The following STK31 variants were observed in gnomAD, a reference collection of about 807,000 sequenced individuals.
The protein encoded by STK31 is serine/threonine kinase 31.
A neutral mutation model predicts 129.7 loss-of-function variants in STK31; 89 were observed. The observed-to-expected ratio is 0.69, with a 90% CI of 0.58 to 0.82. STK31 has a LOEUF of 0.82. Among genes scored for constraint, STK31 ranks in the 40% least tolerant of loss-of-function variants. STK31 has a pLI of 0.00. For synonymous variants in STK31, 448 were observed against 395.3 expected, an observed-to-expected ratio of 1.13 and a Z score of -1.58; for missense variants, 1,187 against 1,176.4, an observed-to-expected ratio of 1.01 and a Z score of -0.13.
intron 5 of STK31, 50 bp from the exon 6 acceptor site, chr7:23,729,041 A>C: frequency 6.8e-7 from 1 of 1,473,862 alleles, no homozygotes. Flanking sequence ...GTTTCTTTGG[A>C]AACATTTAAT....
At chr7:23,767,934 A>G (rs1339760876) in intron 11 of STK31, among the ~76,000 whole-genome samples, 1 of 152,096 alleles carries the variant, frequency 6.6e-6, no homozygotes. Context: ...TATCTCTGTA[A>G]AATTTCTAGG....
In STK31 at chr7:23,799,482, C is replaced by T. The variant is rs184780028; in HGVS notation, c.2760+8536C>T. ...TGATCTTTGACAAACCTGACAGAAG[C>T]AAGCAATGGGGAAAGGATTCCCTAT... On this transcript the variant is annotated intron_variant, in intron 22 of 23. Transcript: ENST00000355870. Among the ~76,000 whole-genome samples, 951 of 152,162 alleles carry T rather than the reference C, an allele frequency of 6.2e-3. 7 individuals carry two copies. The highest frequency in any genetic ancestry group is 8.2e-3 in the Non-Finnish European group (558 of 67,970).
At chr7:23,823,426 C>A (rs1311981510) in intron 23 of STK31, among the ~76,000 whole-genome samples, 1 of 152,096 alleles carries the variant, frequency 6.6e-6, no homozygotes, top group Non-Finnish European at 1.5e-5. Context: ...TATCCTTCAT[C>A]CACTTTTTGA....
intron 4 of STK31, chr7:23,722,962 C>T (rs1786815807): frequency 6.6e-6 from 1 of 152,116 alleles, no homozygotes; most frequent in African/African-American, 2.4e-5. Flanking sequence ...GAGAGTGTCC[C>T]GAATTTCCCG....
intron 4 of STK31, among the ~76,000 whole-genome samples, chr7:23,725,271 A>C (rs1786985348): frequency 6.8e-6 from 1 of 147,578 alleles, no homozygotes; most frequent in African/African-American, 2.5e-5. Context: ...ATGGGGGCTC[A>C]TGCCCGTAAT....
At chr7:23,830,488 C>T (rs1057348867) in intron 23 of STK31, among the ~76,000 whole-genome samples, 1 of 152,060 alleles carries the variant, frequency 6.6e-6, no homozygotes, top group African/African-American at 2.4e-5. Context: ...CCCTCTTTAA[C>T]TTCTTCCTTG....
intron 9 of STK31, among the ~76,000 whole-genome samples, chr7:23,754,071 A>G (rs1357922210): frequency 3.3e-5 from 5 of 152,138 alleles, no homozygotes; most frequent in African/African-American, 1.2e-4. Context: ...TTATGTCATG[A>G]AATTAGTATA....
At chr7:23,781,614 C>A in intron 16 of STK31, 94 bp downstream of exon 16, 2 of 834,582 alleles carry the variant, frequency 2.4e-6, no homozygotes, top group South Asian at 1.8e-5. Flanking sequence ...AATCACAAGG[C>A]TAGAGGTATT....
At chr7:23,744,334 A>G (rs1490187515) in intron 8 of STK31, among the ~76,000 whole-genome samples, 3 of 146,998 alleles carry the variant, frequency 2.0e-5, no homozygotes, top group East Asian at 2.0e-4. Flanking sequence ...TAAATTTCTC[A>G]TTTATAACCT....
chr7:23,747,854 T>C (rs1754434414), intron 8 of STK31, among the ~76,000 whole-genome samples: 1 of 152,214 alleles, frequency 6.6e-6, no homozygotes, highest in Admixed American at 6.5e-5. Context: ...CCTCTGTCTT[T>C]TTTTCCTTTA....
chr7:23,784,241 A>C (rs12700466), intron 17 of STK31, among the ~76,000 whole-genome samples: 1 of 152,090 alleles, frequency 6.6e-6, no homozygotes, highest in Non-Finnish European at 1.5e-5. Context: ...TGCCTTCTAC[A>C]GTGAGGGCCT....
intron 8 of STK31, among the ~76,000 whole-genome samples, chr7:23,738,859 C>T (rs1787881933): frequency 6.6e-6 from 1 of 152,166 alleles, no homozygotes; most frequent in African/African-American, 2.4e-5. Context: ...CCCACATTTT[C>T]TTTATCCAGT....
chr7:23,761,997 C>T (rs12534831), intron 10 of STK31, among the ~76,000 whole-genome samples: 17,709 of 150,394 alleles, frequency 0.12, 1,151 homozygotes, highest in East Asian at 0.22. Flanking sequence ...TCTGGTTGAG[C>T]TTATGCAAGA....
rs750817484 is a variant in STK31, at chr7:23,790,849, T to A, written c.2663T>A (p.Met888Lys). ...AGTCAGCGAGCCTCGGTGAACATGA[T>A]GGTTGGTGACTTGAGTTTGATGTCA... ...SVSQRASVNM[M>K]VGDLSLMSPE... The change falls in exon 22 of 24, where the codon ATG becomes AAG. Residue 888 changes from methionine to lysine, a missense_variant. Around this residue, in one of 5 missense-constraint regions of STK31, gnomAD observed 975 missense variants for 934.9 expected, o/e 1.04. Transcript: ENST00000355870. 6.2e-7 allele frequency: 1 copy of A among 1,606,266 alleles called. No individual in the cohort carries two copies. The highest frequency in any genetic ancestry group is 1.1e-5 in the South Asian group (1 of 89,542).
intron 10 of STK31, among the ~76,000 whole-genome samples, chr7:23,758,509 T>C (rs1562577974): frequency 6.6e-6 from 1 of 152,128 alleles, no homozygotes; most frequent in Non-Finnish European, 1.5e-5. Flanking sequence ...TGTCTTCTGC[T>C]AGCTTTTGGG....
intron 22 of STK31, among the ~76,000 whole-genome samples, chr7:23,813,078 C>CTTTTTTTTT (rs70956924): frequency 1.2e-3 from 109 of 94,094 alleles, no homozygotes; most frequent in Non-Finnish European, 1.4e-3. Context: ...GCTCTCTGTT[C>CTTTTTTTTT]TTTTTTTTTT....
chr7:23,809,469 AC>A (rs1166067091), intron 22 of STK31, among the ~76,000 whole-genome samples: 2 of 152,166 alleles, frequency 1.3e-5, no homozygotes, highest in African/African-American at 2.4e-5. Context: ...TTGAGCACTT[AC>A]AAATTACAGT....
chr7:23,779,156 A>G (rs1447621612), intron 15 of STK31, among the ~76,000 whole-genome samples: 7 of 152,124 alleles, frequency 4.6e-5, no homozygotes, highest in African/African-American at 1.7e-4. Flanking sequence ...TTGCCTGGGT[A>G]TCACCAGTGG....
chr7:23,752,647 T>C, intron 8 of STK31, 70 bp from the exon 9 acceptor site: 1 of 1,214,146 alleles, frequency 8.2e-7, no homozygotes, highest in Non-Finnish European at 1.2e-6. Context: ...AGCCAAAAAT[T>C]ATTTAAATTA....
Sources: gnomAD v4.1 joint callset for allele counts (sites outside exome capture counted in the v4.1 genomes callset) on GRCh38, gnomAD v4.1.1 for gene constraint, gnomAD v4.1.1 regional missense constraint, MANE v1.5 for transcripts, NCBI Gene and HGNC (gene_info 2026-07-23, HGNC 2026-07-21) for gene names.